Variants in GALNT14 observed in about 807,000 individuals in gnomAD.
GALNT14 encodes the protein UDP-GalNAc:polypeptide N-acetylgalactosaminyltransferase 14.
Under a neutral mutation model 77.5 loss-of-function variants are expected in GALNT14, and 60 were observed. That is an observed-to-expected ratio of 0.77 (90% CI 0.63 to 0.96). The LOEUF (loss-of-function observed/expected upper bound fraction) is 0.96. Among genes scored for constraint, GALNT14 ranks in the 40% least tolerant of loss-of-function variants. The pLI, the probability that GALNT14 is intolerant of heterozygous loss-of-function variation, is 0.00. For synonymous variants in GALNT14, 280 were observed against 281.7 expected, an observed-to-expected ratio of 0.99 and a Z score of 0.06; for missense variants, 710 against 731.0, an observed-to-expected ratio of 0.97 and a Z score of 0.33.
chr2:31,035,825 C>A (rs1672708506), intron 1 of GALNT14, among the ~76,000 whole-genome samples: 1 of 151,764 alleles, frequency 6.6e-6, no homozygotes, highest in African/African-American at 2.4e-5. Context: ...ACATGGACAG[C>A]TAGAGGGTAA....
chr2:31,070,883 T>C (rs1675321995), intron 1 of GALNT14, among the ~76,000 whole-genome samples: 1 of 152,242 alleles, frequency 6.6e-6, no homozygotes, highest in Admixed American at 6.5e-5. Context: ...AAGCACTGTC[T>C]GGTCTCTGTT....
At chr2:31,121,992 G>C (rs538690814) in intron 1 of GALNT14, among the ~76,000 whole-genome samples, 4 of 152,124 alleles carry the variant, frequency 2.6e-5, no homozygotes, top group Non-Finnish European at 4.4e-5. Context: ...ACAAAAGCCA[G>C]TGTTATTTGA....
Position 30,944,949 on chromosome 2 carries a change from C to T in GALNT14, c.743-7G>A. 6.2e-7 allele frequency: 1 copy of T among 1,600,086 alleles called. No homozygotes were observed. The highest frequency in any genetic ancestry group is 2.2e-5 in the East Asian group (1 of 44,638). ...TGGAGGCTCCAGTCAAACCCTACAA[C>T]ACAGCACCAACCCACCTGCTTTGGT... is the stretch of plus-strand genomic sequence containing the variant. On this transcript the variant is annotated splice_region_variant and splice_polypyrimidine_tract_variant and intron_variant, in intron 7 of 14. Coordinates refer to ENST00000349752, the MANE Select transcript of GALNT14 (RefSeq NM_024572.4).
At chr2:31,059,338 C>T (rs1674440155) in intron 1 of GALNT14, among the ~76,000 whole-genome samples, 1 of 152,142 alleles carries the variant, frequency 6.6e-6, no homozygotes. Context: ...TTTATGTATC[C>T]ATCCTAAACT....
chr2:31,094,882 C>G (rs1309075415), intron 1 of GALNT14, among the ~76,000 whole-genome samples: 1 of 152,118 alleles, frequency 6.6e-6, no homozygotes. Flanking sequence ...CCTTCCCTGG[C>G]CACAGTAACT....
At chr2:31,072,189 G>A (rs925513410) in intron 1 of GALNT14, among the ~76,000 whole-genome samples, 2 of 151,234 alleles carry the variant, frequency 1.3e-5, no homozygotes, top group African/African-American at 2.4e-5. Flanking sequence ...GAGGGCAGAA[G>A]GAGCTTGGTT....
the GALNT14 span, among the ~76,000 whole-genome samples, chr2:30,894,036 A>G: frequency 1.3e-5 from 2 of 152,186 alleles, no homozygotes; most frequent in Non-Finnish European, 2.9e-5. Flanking sequence ...GGCGAAAAGG[A>G]AAGAGAACAG....
chr2:31,061,961 T>C (rs1674620517), intron 1 of GALNT14, among the ~76,000 whole-genome samples: 1 of 152,224 alleles, frequency 6.6e-6, no homozygotes, highest in Admixed American at 6.5e-5. Context: ...TTTACATGTA[T>C]TCATACCCCG....
chr2:30,958,733 GC>G (rs1667515243), intron 3 of GALNT14, among the ~76,000 whole-genome samples: 2 of 152,058 alleles, frequency 1.3e-5, no homozygotes, highest in African/African-American at 4.8e-5. Context: ...AAACCCCACA[GC>G]AAATCAGTAA....
intron 1 of GALNT14, among the ~76,000 whole-genome samples, chr2:31,000,388 G>A (rs760404109): frequency 2.0e-4 from 31 of 151,676 alleles, no homozygotes; most frequent in African/African-American, 6.8e-4. Flanking sequence ...GCAGATTCTT[G>A]TATGTGTTTC....
intron 1 of GALNT14, among the ~76,000 whole-genome samples, chr2:31,070,773 T>C (rs1675313454): frequency 2.0e-5 from 3 of 152,198 alleles, no homozygotes; most frequent in Admixed American, 6.5e-5. Context: ...CTTTGTCCAA[T>C]TGCAAACTGG....
chr2:31,081,583 CAT>C (rs1378264768), intron 1 of GALNT14, among the ~76,000 whole-genome samples: 3 of 152,158 alleles, frequency 2.0e-5, no homozygotes, highest in South Asian at 2.1e-4. Flanking sequence ...CCAAAGTGCA[CAT>C]GTTTATTTTG....
chr2:30,889,114 T>C, the GALNT14 span, among the ~76,000 whole-genome samples: 1 of 152,114 alleles, frequency 6.6e-6, no homozygotes, highest in Non-Finnish European at 1.5e-5. Context: ...AGATGATTCA[T>C]TCCTGGGAGG....
In GALNT14 at chr2:30,953,606, C is replaced by A. The variant is rs536518563; in HGVS notation, c.654+2012G>T. Among the ~76,000 whole-genome samples, 142 of 152,318 alleles carry A rather than the reference C, an allele frequency of 9.3e-4. 1 individual carries two copies. Among genetic ancestry groups the A allele is most frequent in the African/African-American group, 3.3e-3 (137 of 41,556 alleles). The stretch of plus-strand genomic sequence containing the variant: ...TATAGGCATGCGCCACCGCACCCAG[C>A]CAAATTTCCTTCTTTCTAGAGTTTT... On this transcript the variant is annotated intron_variant, in intron 6 of 14. Coordinates refer to ENST00000349752, the MANE Select transcript of GALNT14 (RefSeq NM_024572.4).
rs1679325216 is a variant in GALNT14, at chr2:31,138,374, C to T, written c.-288G>A. ...AAGCGCGGTGGCTGCCGAGATGTTC[C>T]CCACGCCGCCACCGCGGCTGCCGCC... On this transcript the variant is annotated 5_prime_UTR_variant, in exon 1 of 15. Transcript: ENST00000349752. 4.9e-6 allele frequency: 2 copies of T among 411,264 alleles called. No homozygotes were observed. Among genetic ancestry groups the T allele is most frequent in the Admixed American group, 4.7e-5 (1 of 21,316 alleles). The allele number at this position is 411,264 out of a possible 1,614,324, so 25.5% of individuals were successfully genotyped here. A position where few individuals can be genotyped will look rare whatever the true frequency, so the allele number is the denominator to read the frequency against.
At chr2:30,960,020 T>C (rs935558167) in intron 3 of GALNT14, among the ~76,000 whole-genome samples, 2 of 152,216 alleles carry the variant, frequency 1.3e-5, no homozygotes, top group Non-Finnish European at 2.9e-5. Flanking sequence ...CAGACTCTAC[T>C]GGAAGAGAAC....
intron 1 of GALNT14, among the ~76,000 whole-genome samples, chr2:31,039,109 G>A (rs1365335362): frequency 2.6e-5 from 4 of 152,020 alleles, no homozygotes; most frequent in Admixed American, 2.0e-4. Context: ...AATTTCTAGA[G>A]TTAAAAAAAA....
chr2:30,942,285 C>T lies in GALNT14; in HGVS notation c.847G>A (p.Gly283Arg). The T allele has an allele frequency of 1.2e-6, 2 of 1,613,958 alleles. No homozygotes were observed. The highest frequency in any genetic ancestry group is 1.7e-6 in the Non-Finnish European group (2 of 1,179,894). The change falls in exon 9 of 15, where the codon GGG (glycine) becomes AGG (arginine). Residue 283 changes from glycine (G) to arginine (R), a missense_variant. Transcript: ENST00000349752. ...CAAGCTTTGTCGATCACGAAGAGCC[C>T]TCCAGCTATGATAGGAGTCCTGTGC... is the stretch of plus-strand genomic sequence containing the variant. ...EPIRTPIIAG[G>R]LFVIDKAWFD...
intron 1 of GALNT14, among the ~76,000 whole-genome samples, chr2:31,002,200 T>G (rs1006125008): frequency 6.6e-6 from 1 of 151,954 alleles, no homozygotes. Context: ...GAGGCTGAGG[T>G]GGGCGGATTA....
Sources: allele counts gnomAD v4.1 joint callset (sites outside exome capture counted in the v4.1 genomes callset), GRCh38; gene constraint gnomAD v4.1.1; transcripts MANE v1.5; gene names NCBI Gene and HGNC (gene_info 2026-07-23, HGNC 2026-07-21).